The following MTA3 variants were observed in gnomAD, a reference collection of about 807,000 sequenced individuals.
MTA3 encodes metastasis associated 1 family member 3.
A neutral mutation model predicts 83.5 loss-of-function variants in MTA3; 34 were observed. That is an observed-to-expected ratio of 0.41 (90% CI 0.31 to 0.54). The LOEUF (loss-of-function observed/expected upper bound fraction) is 0.54. Ranked by LOEUF, MTA3 falls within the 20% of genes least tolerant of loss-of-function variation. The probability of loss-of-function intolerance (pLI) is 0.33; values close to 1 mark genes in which losing one functional copy is unlikely to be tolerated. For synonymous variants in MTA3, 303 were observed against 252.7 expected (o/e 1.20, Z -1.89); for missense variants, 761 against 726.4 (o/e 1.05, Z -0.55).
chr2:42,688,854 C>T (rs1309375494), intron 9 of MTA3, among the ~76,000 whole-genome samples: 1 of 151,914 alleles, frequency 6.6e-6, no homozygotes, highest in Non-Finnish European at 1.5e-5. Context: ...GCTAGTATTT[C>T]CAATACAGTG....
At chr2:42,745,998 G>A (rs1208402986) in intron 16 of MTA3, among the ~76,000 whole-genome samples, 2 of 151,574 alleles carry the variant, frequency 1.3e-5, no homozygotes, top group Non-Finnish European at 2.9e-5. Flanking sequence ...ATTTTTAGTA[G>A]AGACGGGGTT....
intron 4 of MTA3, among the ~76,000 whole-genome samples, chr2:42,632,405 G>A (rs1686773197): frequency 6.6e-6 from 1 of 151,952 alleles, no homozygotes; most frequent in Non-Finnish European, 1.5e-5. Flanking sequence ...CTGCTGTTTT[G>A]TACTTATTAA....
intron 2 of MTA3, among the ~76,000 whole-genome samples, chr2:42,577,105 A>AATAT (rs1162559713): frequency 2.3e-5 from 2 of 86,918 alleles, no homozygotes; most frequent in East Asian, 2.7e-4. Flanking sequence ...AAAAAAAAAA[A>AATAT]ATATATATAT....
chr2:42,621,710 A>G (rs1471848269), intron 4 of MTA3, among the ~76,000 whole-genome samples: 107 of 145,294 alleles, frequency 7.4e-4, no homozygotes, highest in African/African-American at 2.6e-3. Context: ...GGCGGCTGCC[A>G]GGTGGAGGGG....
intron 3 of MTA3, among the ~76,000 whole-genome samples, chr2:42,579,415 C>CTA (rs201069400): frequency 2.0e-3 from 278 of 136,882 alleles, no homozygotes; most frequent in Middle Eastern, 7.4e-3. Flanking sequence ...AATTTTATAT[C>CTA]TATATATATA....
intron 16 of MTA3, among the ~76,000 whole-genome samples, chr2:42,735,082 A>G (rs997568389): frequency 2.9e-4 from 44 of 152,190 alleles, no homozygotes; most frequent in African/African-American, 8.9e-4. Context: ...ATCATTTCTT[A>G]TTGCTCATTA....
intron 16 of MTA3, among the ~76,000 whole-genome samples, chr2:42,734,470 CTTTT>C (rs3040123): frequency 0.52 from 42,673 of 81,306 alleles, 9,717 homozygotes; most frequent in African/African-American, 0.63. Flanking sequence ...ATCACGGGGC[CTTTT>C]TTTTTTTTTT....
intron 4 of MTA3, among the ~76,000 whole-genome samples, chr2:42,619,854 C>T (rs1034667139): frequency 3.3e-5 from 5 of 152,206 alleles, no homozygotes; most frequent in Admixed American, 2.0e-4. Context: ...AGCACAAATC[C>T]GTGGTACCAG....
intron 4 of MTA3, among the ~76,000 whole-genome samples, chr2:42,621,994 A>C (rs1685609325): frequency 1.3e-5 from 2 of 152,178 alleles, no homozygotes; most frequent in Non-Finnish European, 2.9e-5. Context: ...CTCACTTCCC[A>C]GACGGGGTGG....
At chr2:42,639,654 A>C (rs1174612161) in intron 4 of MTA3, among the ~76,000 whole-genome samples, 2 of 152,168 alleles carry the variant, frequency 1.3e-5, no homozygotes, top group Non-Finnish European at 2.9e-5. Flanking sequence ...TAGTTTTTAG[A>C]GTAATTTCAA....
intron 15 of MTA3, among the ~76,000 whole-genome samples, chr2:42,720,970 A>AAAG (rs1667367378): frequency 1.3e-5 from 2 of 149,840 alleles, no homozygotes; most frequent in African/African-American, 2.5e-5. Flanking sequence ...AAAAAAAAAA[A>AAAG]AAAAGAAAAG....
At chr2:42,568,625 C>T (rs916291885), upstream of MTA3, 5 of 224,334 alleles carry the variant, frequency 2.2e-5, no homozygotes, top group Non-Finnish European at 3.0e-5. Flanking sequence ...TCCCTCCCTT[C>T]CCCCCCGTGG....
In MTA3 at chr2:42,609,515, A is replaced by T. The variant is rs1683920166; in HGVS notation, c.248A>T (p.Lys83Ile). Reference protein sequence around the residue: ...TVEADLTDKQKHQLKHRELFL... With the variant: ...TVEADLTDKQIHQLKHRELFL... Reference sequence around the variant, plus strand: ...GAGGCTGACTTGACCGATAAGCAGAAACATCAGTTGAAACATAGGGAACTC... The same window carrying T: ...GAGGCTGACTTGACCGATAAGCAGATACATCAGTTGAAACATAGGGAACTC... Residue 83 changes from lysine to isoleucine, a missense_variant, in exon 4 of 17, where the codon AAA becomes ATA. Coordinates refer to ENST00000405094, the MANE Select transcript of MTA3 (RefSeq NM_001330442.2). 6.2e-7 allele frequency: 1 copy of T among 1,613,816 alleles called. No individual in the cohort carries two copies. Among genetic ancestry groups the T allele is most frequent in the Non-Finnish European group, 8.5e-7 (1 of 1,179,846 alleles).
intron 16 of MTA3, among the ~76,000 whole-genome samples, chr2:42,724,723 G>A (rs1051456371): frequency 6.6e-6 from 1 of 152,098 alleles, no homozygotes; most frequent in African/African-American, 2.4e-5. Context: ...ACACCCTGTG[G>A]TCATTCTGGA....
chr2:42,605,818 G>T (rs1473697788), intron 3 of MTA3, among the ~76,000 whole-genome samples: 1 of 132,984 alleles, frequency 7.5e-6, no homozygotes, highest in Non-Finnish European at 1.6e-5. Context: ...GCTCCCAGAC[G>T]GGGCGGCTGG....
intron 14 of MTA3, chr2:42,709,332 C>A: frequency 7.6e-7 from 1 of 1,319,636 alleles, no homozygotes; most frequent in Non-Finnish European, 9.7e-7. Flanking sequence ...GAGAGTAGTG[C>A]TTAGCAAAAG....
chr2:42,531,459 T>TTTTTTTC (rs1675963249), intron 2 of MTA3, among the ~76,000 whole-genome samples: 1 of 141,346 alleles, frequency 7.1e-6, no homozygotes. Flanking sequence ...TTTTTTTTTT[T>TTTTTTTC]TTTTTTTTTT....
chr2:42,617,066 A>ACAATTTGCAGC (rs1684984053), intron 4 of MTA3, among the ~76,000 whole-genome samples: 1 of 152,246 alleles, frequency 6.6e-6, no homozygotes, highest in Non-Finnish European at 1.5e-5. Flanking sequence ...TTGTGAAACA[A>ACAATTTGCAGC]AACCAATTTA....
intron 12 of MTA3, 146 bp downstream of exon 12, chr2:42,704,464 C>T (rs960500917): frequency 1.1e-6 from 1 of 908,096 alleles, no homozygotes; most frequent in Non-Finnish European, 1.7e-6. Context: ...CCCCTCCTTA[C>T]CTTCTGCCTG....
Sources: gnomAD v4.1 joint callset for allele counts (sites outside exome capture counted in the v4.1 genomes callset) on GRCh38, gnomAD v4.1.1 for gene constraint, MANE v1.5 for transcripts, NCBI Gene and HGNC (gene_info 2026-07-23, HGNC 2026-07-21) for gene names.